The following ARHGEF18 variants were observed in gnomAD, a reference collection of about 807,000 sequenced individuals.
The protein encoded by ARHGEF18 is Rho/Rac guanine nucleotide exchange factor 18, also known as rho guanine nucleotide exchange factor 18.
Under a neutral mutation model 155.7 loss-of-function variants are expected in ARHGEF18, and 93 were observed. The ratio of observed to expected loss-of-function variants is 0.60; its 90% CI spans 0.50 to 0.71. The LOEUF (loss-of-function observed/expected upper bound fraction) is 0.71. Ranked by LOEUF, ARHGEF18 falls within the 30% of genes least tolerant of loss-of-function variation. ARHGEF18 has a pLI of 0.00. For synonymous variants in ARHGEF18, 742 were observed against 753.1 expected (o/e 0.99, Z 0.24); for missense variants, 1,593 against 1,816.1 (o/e 0.88, Z 2.23).
intron 15 of ARHGEF18, among the ~76,000 whole-genome samples, chr19:7,450,087 C>G (rs1186876602): frequency 1.3e-5 from 2 of 151,486 alleles, no homozygotes; most frequent in Non-Finnish European, 2.9e-5. Flanking sequence ...AAGGAAGGAG[C>G]CCCCAGCCTT....
Position 7,470,306 on chromosome 19 carries a change from G to A in ARHGEF18, c.*8G>A, listed in dbSNP as rs775738880. 1.9e-5 allele frequency: 28 copies of A among 1,510,346 alleles called. No homozygotes were observed. Among genetic ancestry groups the A allele is most frequent in the East Asian group, 2.5e-5 (1 of 40,188 alleles). The allele number at this position is 1,510,346 out of a possible 1,614,324, so 93.6% of individuals were successfully genotyped here. On this transcript the variant is annotated 3_prime_UTR_variant, in exon 29 of 29. Coordinates refer to ENST00000668164, the MANE Select transcript of ARHGEF18 (RefSeq NM_001367823.1). The surrounding 1 kb of genome is among the most constrained non-coding windows in gnomAD (Gnocchi z 5.9). ...GACGTCATCTTCTTCTAAAAGGGCC[G>A]TGACTCAAGGTGCAAGGCCCCTCCC...
chr19:7,457,183 C>T (rs1975889575), intron 18 of ARHGEF18, among the ~76,000 whole-genome samples: 1 of 152,012 alleles, frequency 6.6e-6, no homozygotes, highest in Non-Finnish European at 1.5e-5. Context: ...GGGTTGGTTT[C>T]TTCTGAGGCC....
intron 10 of ARHGEF18, among the ~76,000 whole-genome samples, chr19:7,386,734 G>A (rs774450396): frequency 6.6e-6 from 1 of 152,036 alleles, no homozygotes; most frequent in Non-Finnish European, 1.5e-5. Context: ...GCCCCCATCT[G>A]AGCCATTGCT....
intron 19 of ARHGEF18, 150 bp downstream of exon 19, chr19:7,458,840 T>A: frequency 1.0e-6 from 1 of 983,792 alleles, no homozygotes; most frequent in Non-Finnish European, 1.4e-6. Flanking sequence ...TTCTGATGAC[T>A]CAACCTGTTG....
chr19:7,393,415 C>T lies in ARHGEF18; in HGVS notation c.967+10212C>T, dbSNP rs189359107. Reference sequence around the variant, plus strand: ...TAGAGACTGGGTCATGCGAGGTTTCCCAGGCTGATCTCAAAGCTCCTGGAC... The same window carrying T: ...TAGAGACTGGGTCATGCGAGGTTTCTCAGGCTGATCTCAAAGCTCCTGGAC... On this transcript the variant is annotated intron_variant, in intron 10 of 28. Transcript: ENST00000668164. 2.0e-5 allele frequency among the ~76,000 whole-genome samples: 3 copies of T among 152,200 alleles called. No individual in the cohort carries two copies. The East Asian group carries it at 5.8e-4, about 29-fold the overall frequency.
In ARHGEF18 at chr19:7,380,928, G is replaced by T; in HGVS notation, c.656G>T (p.Arg219Met). The T allele has an allele frequency of 4.1e-6, 5 of 1,232,180 alleles. No individual in the cohort carries two copies. The highest frequency in any genetic ancestry group is 5.1e-6 in the Non-Finnish European group (5 of 988,002). 76.3% of individuals were successfully genotyped at this position (1,232,180 alleles called of 1,614,324 possible). A position where few individuals can be genotyped will look rare whatever the true frequency, so the allele number is the denominator to read the frequency against. Reference protein sequence around the residue: ...ELRQYHGARQRACMSASPGGA... With the variant: ...ELRQYHGARQMACMSASPGGA... ...CTCTGATCCTGCAGGGCCCGGCAGA[G>T]GGCTTGCATGTCAGCCAGCCCCGGA... Residue 219 changes from arginine (R) to methionine (M), a missense_variant, in exon 8 of 29, where the codon AGG (arginine) becomes ATG (methionine). Arg to Met is a moderately conservative substitution (Grantham distance 91). Coordinates refer to ENST00000668164, the MANE Select transcript of ARHGEF18 (RefSeq NM_001367823.1).
chr19:7,389,859 T>C (rs1971299553), intron 10 of ARHGEF18, among the ~76,000 whole-genome samples: 1 of 152,128 alleles, frequency 6.6e-6, no homozygotes, highest in African/African-American at 2.4e-5. Flanking sequence ...TTGATTTTGA[T>C]TTGCAGGACA....
Position 7,440,137 on chromosome 19 carries a change from A to C in ARHGEF18, c.968-207A>C, listed in dbSNP as rs1365520142. The C allele has an allele frequency of 6.4e-7, 1 of 1,551,152 alleles. No homozygotes were observed. Among genetic ancestry groups the C allele is most frequent in the Non-Finnish European group, 8.7e-7 (1 of 1,146,934 alleles). On this transcript the variant is annotated intron_variant, in intron 10 of 28. Coordinates refer to ENST00000668164, the MANE Select transcript of ARHGEF18 (RefSeq NM_001367823.1). The surrounding 1 kb of genome is among the most constrained non-coding windows in gnomAD (Gnocchi z 5.4). ...GCGCACTCCAAAAGCGGGGACAGGC[A>C]CAGCGCGCTCCCCGGCCGCCCCGAG...
rs538950488 is a variant in ARHGEF18 at position 7,353,128 on chromosome 19, G to A, written c.-111+3887G>A. ...TGGGATTACAGGTGTGAGCCACCGCGCCTGGCCCCTAGGTTTCCTTTCTTT... is the reference window on the plus strand; with the variant it reads ...TGGGATTACAGGTGTGAGCCACCGCACCTGGCCCCTAGGTTTCCTTTCTTT... On this transcript the variant is annotated intron_variant, in intron 1 of 28. Transcript: ENST00000668164. Among the ~76,000 whole-genome samples, 13 of 151,544 alleles carry A rather than the reference G, an allele frequency of 8.6e-5. No homozygotes were observed. The South Asian group carries it at 1.9e-3, about 22-fold the overall frequency.
chr19:7,416,635 C>A lies in ARHGEF18; in HGVS notation c.968-23709C>A. On this transcript the variant is annotated intron_variant, in intron 10 of 28. Transcript: ENST00000668164. ...TTTTTTTTTTTGAGACAGAGTCTTG[C>A]TCTGCTGCCAAGCCTGGAGTGCAGT... 1.6e-5 allele frequency among the ~76,000 whole-genome samples: 2 copies of A among 126,656 alleles called. 1 individual carries two copies. Among genetic ancestry groups the A allele is most frequent in the African/African-American group, 6.0e-5 (2 of 33,582 alleles). 83.1% of individuals were successfully genotyped at this position (126,656 alleles called of 152,430 possible).
chr19:7,368,653 C>T (rs1415642053), intron 2 of ARHGEF18, among the ~76,000 whole-genome samples: 1 of 152,114 alleles, frequency 6.6e-6, no homozygotes, highest in Non-Finnish European at 1.5e-5. Context: ...GGAGGCTCAG[C>T]CAGGCCAAGA....
chr19:7,418,571 C>T (rs10421125), intron 10 of ARHGEF18, among the ~76,000 whole-genome samples: 23,478 of 151,906 alleles, frequency 0.15, 3,796 homozygotes, highest in African/African-American at 0.41. Flanking sequence ...GCTGGGATTA[C>T]AGGTGTGAGC....
intron 10 of ARHGEF18, among the ~76,000 whole-genome samples, chr19:7,387,011 T>G (rs756612303): frequency 1.1e-4 from 16 of 152,228 alleles, no homozygotes; most frequent in Non-Finnish European, 1.9e-4. Context: ...GCTGTGTCCC[T>G]GCGTTTTTCT....
At chr19:7,451,426 A>C (rs576783368) in intron 16 of ARHGEF18, among the ~76,000 whole-genome samples, 160 bp downstream of exon 16, 1 of 102,678 alleles carries the variant, frequency 9.7e-6, no homozygotes, top group Admixed American at 1.0e-4. Context: ...TTTTTTTTTA[A>C]GAGACAGAGT....
At chr19:7,377,472 GT>G (rs1970514465) in intron 5 of ARHGEF18, among the ~76,000 whole-genome samples, 1 of 152,062 alleles carries the variant, frequency 6.6e-6, no homozygotes, top group Admixed American at 6.6e-5. Flanking sequence ...CACATAACAA[GT>G]CTCTGAGCCT....
At chr19:7,478,615 A>G in the ARHGEF18 span, among the ~76,000 whole-genome samples, 3 of 152,022 alleles carry the variant, frequency 2.0e-5, no homozygotes, top group Non-Finnish European at 4.4e-5. Flanking sequence ...GTGGCCATCC[A>G]GGGCCTGGCC....
At chr19:7,397,869 G>T (rs1294840348) in intron 10 of ARHGEF18, among the ~76,000 whole-genome samples, 7 of 152,014 alleles carry the variant, frequency 4.6e-5, no homozygotes, top group Non-Finnish European at 8.8e-5. Context: ...ACAGCCTGTG[G>T]TTTTTGTTTT....
chr19:7,372,841 G>A lies in ARHGEF18; in HGVS notation c.45G>A (p.Glu15=), dbSNP rs1970266002. ...QEDDFPRRLS[E]SMEDLSLDLG... ...ATGATTTTCCCAGGCGGCTCAGCGAGAGTATGGAGGACCTCAGCCTGGATT... is the reference window on the plus strand; with the variant it reads ...ATGATTTTCCCAGGCGGCTCAGCGAAAGTATGGAGGACCTCAGCCTGGATT... The change falls in exon 3 of 29, where the codon GAG becomes GAA. Residue 15 remains glutamate (E), a synonymous_variant. Transcript: ENST00000668164. 1 of 1,234,466 alleles carries A rather than the reference G, an allele frequency of 8.1e-7. No homozygotes were observed. Among genetic ancestry groups the A allele is most frequent in the African/African-American group, 1.5e-5 (1 of 64,622 alleles). 76.5% of individuals were successfully genotyped at this position (1,234,466 alleles called of 1,614,324 possible).
rs750064588 is a variant in ARHGEF18 at position 7,466,948 on chromosome 19, C to T, written c.2935C>T (p.Arg979Cys). 1.5e-5 allele frequency: 24 copies of T among 1,613,378 alleles called. 1 individual carries two copies. In the Admixed American group the frequency reaches 3.7e-4, roughly 25 times the overall value. Reference protein sequence around the residue: ...VEAPGTESDPRLPTVLESELV... With the variant: ...VEAPGTESDPCLPTVLESELV... ...GGCGCCAGGCACGGAATCCGATCCC[C>T]GTCTGCCCACCGTCCTGGAGTCGGA... is the stretch of plus-strand genomic sequence containing the variant. Residue 979 changes from arginine (R) to cysteine (C), a missense_variant, in exon 24 of 29, where the codon CGT becomes TGT. Physicochemically the swap from Arg to Cys is radical, Grantham distance 180. Transcript: ENST00000668164.
Sources: allele counts gnomAD v4.1 joint callset (sites outside exome capture counted in the v4.1 genomes callset), GRCh38; gene constraint gnomAD v4.1.1; non-coding constraint Gnocchi (gnomAD v3.1); transcripts MANE v1.5; gene names NCBI Gene and HGNC (gene_info 2026-07-23, HGNC 2026-07-21).